The following WDR7 variants were observed in gnomAD, a reference collection of about 807,000 sequenced individuals.
WDR7 encodes the protein WD repeat domain 7.
WDR7 carries 46 observed loss-of-function variants against 169.4 expected under a neutral mutation model. The ratio of observed to expected loss-of-function variants is 0.27; its 90% CI spans 0.21 to 0.35. WDR7 has a LOEUF of 0.35. Ranked by LOEUF, WDR7 falls within the 10% of genes least tolerant of loss-of-function variation. The pLI, the probability that WDR7 is intolerant of heterozygous loss-of-function variation, is 1.00. For synonymous variants in WDR7, 612 were observed against 666.8 expected, an observed-to-expected ratio of 0.92 and a Z score of 1.27; for missense variants, 1,534 against 1,859.3, an observed-to-expected ratio of 0.83 and a Z score of 3.22.
intron 26 of WDR7, among the ~76,000 whole-genome samples, chr18:56,975,021 C>T (rs1229264672): frequency 6.6e-5 from 10 of 151,930 alleles, no homozygotes; most frequent in African/African-American, 1.9e-4. Flanking sequence ...GGGTGGATCA[C>T]GGGGTCAGGA....
chr18:56,995,741 G>A, intron 26 of WDR7, among the ~76,000 whole-genome samples: 1 of 152,158 alleles, frequency 6.6e-6, no homozygotes, highest in East Asian at 1.9e-4. Context: ...CCCTGTTTCT[G>A]ATGTTCCTCT....
At chr18:56,714,445 T>C (rs915441645) in intron 12 of WDR7, among the ~76,000 whole-genome samples, 2 of 126,588 alleles carry the variant, frequency 1.6e-5, no homozygotes, top group African/African-American at 6.6e-5. Flanking sequence ...TGGACGAAAC[T>C]TTTTTTTTTT....
At chr18:56,988,702 T>C (rs531001419) in intron 26 of WDR7, among the ~76,000 whole-genome samples, 1 of 151,796 alleles carries the variant, frequency 6.6e-6, no homozygotes. Flanking sequence ...TGGGCATTCT[T>C]ATAAATTCAG....
intron 2 of WDR7, 136 bp downstream of exon 2, chr18:56,672,810 T>C: frequency 1.2e-6 from 1 of 822,470 alleles, no homozygotes; most frequent in Non-Finnish European, 1.7e-6. Flanking sequence ...ACTAGTAGTA[T>C]ACAGATTCAT....
At chr18:56,984,227 T>A (rs1054321286) in intron 26 of WDR7, among the ~76,000 whole-genome samples, 2 of 152,204 alleles carry the variant, frequency 1.3e-5, no homozygotes, top group African/African-American at 4.8e-5. Flanking sequence ...ATGGATGTGA[T>A]GAATCACCTT....
chr18:56,743,684 G>A (rs561105468), intron 14 of WDR7, among the ~76,000 whole-genome samples: 2 of 152,298 alleles, frequency 1.3e-5, no homozygotes, highest in African/African-American at 4.8e-5. Flanking sequence ...AGTAACAAAT[G>A]TATAATACTT....
intron 20 of WDR7, among the ~76,000 whole-genome samples, chr18:56,841,677 A>G (rs2145328392): frequency 6.6e-6 from 1 of 152,266 alleles, no homozygotes; most frequent in East Asian, 1.9e-4. Flanking sequence ...TTGAATTACT[A>G]TTACCACACT....
At chr18:56,793,234 A>G (rs1444555039) in intron 19 of WDR7, among the ~76,000 whole-genome samples, 1 of 152,254 alleles carries the variant, frequency 6.6e-6, no homozygotes, top group South Asian at 2.1e-4. Flanking sequence ...AACCTATCAG[A>G]CATGGATTGG....
intron 20 of WDR7, among the ~76,000 whole-genome samples, chr18:56,866,343 GT>G (rs200075690): frequency 9.4e-5 from 14 of 148,304 alleles, no homozygotes; most frequent in East Asian, 2.0e-4. Flanking sequence ...TAGTTTTTCT[GT>G]TTTTTTTTAA....
At chr18:56,927,052 G>A (rs2046818279) in intron 22 of WDR7, among the ~76,000 whole-genome samples, 1 of 152,052 alleles carries the variant, frequency 6.6e-6, no homozygotes, top group Non-Finnish European at 1.5e-5. Flanking sequence ...TTTATGTTAG[G>A]CCTGTGCTTT....
intron 26 of WDR7, chr18:57,009,857 A>G: frequency 1.0e-6 from 1 of 985,436 alleles, no homozygotes. Context: ...CAGGCAAAGG[A>G]GAGGTGACAA....
At position 56,756,785 on chromosome 18, in the gene WDR7, G is replaced by T. The variant is rs772780977; in HGVS notation, c.2192G>T (p.Gly731Val). Residue 731 changes from glycine to valine, a missense_variant, in exon 15 of 28, where the codon GGC (glycine) becomes GTC (valine). Coordinates refer to ENST00000254442, the MANE Select transcript of WDR7 (RefSeq NM_015285.3). ...GCATCTGGCAGTTCAGACAAAGGGG[G>T]CTCTTTTTTAACTGGAAAACGAGCA... ...QKASGSSDKGGSFLTGKRAAV... is the reference protein window; with the variant it reads ...QKASGSSDKGVSFLTGKRAAV... The T allele has an allele frequency of 6.2e-6, 10 of 1,613,958 alleles. No homozygotes were observed. The highest frequency in any genetic ancestry group is 8.5e-6 in the Non-Finnish European group (10 of 1,180,024).
chr18:56,794,304 A>ATTTATTTTTTTTTT (rs2044543681), intron 19 of WDR7, among the ~76,000 whole-genome samples: 1 of 49,466 alleles, frequency 2.0e-5, no homozygotes, highest in Non-Finnish European at 3.8e-5. Flanking sequence ...GGTAAAGTCT[A>ATTTATTTTTTTTTT]TTTTTTTTTT....
At position 56,754,797 on chromosome 18, in the gene WDR7, CTG is replaced by C. The variant is rs575638629; in HGVS notation, c.1990-1784_1990-1783del. 2.7e-4 allele frequency among the ~76,000 whole-genome samples: 41 copies of C among 152,258 alleles called. No individual in the cohort carries two copies. In the South Asian group the frequency reaches 8.3e-3, roughly 31 times the overall value. ...CATAAATCCTTGTCTGTATTTCTGA[CTG>C]TTTAAGATAGGATCCTGGAAATAAA... On this transcript the variant is annotated intron_variant, in intron 14 of 27. Transcript: ENST00000254442.
chr18:56,653,426 C>T (rs367864701), intron 1 of WDR7, among the ~76,000 whole-genome samples: 21 of 152,188 alleles, frequency 1.4e-4, no homozygotes, highest in East Asian at 1.2e-3. Flanking sequence ...AGGCTGGTCT[C>T]GAACTCCTGA....
At chr18:56,911,542 C>G (rs1189821776) in intron 21 of WDR7, among the ~76,000 whole-genome samples, 1 of 152,190 alleles carries the variant, frequency 6.6e-6, no homozygotes, top group African/African-American at 2.4e-5. Flanking sequence ...TTCTCCTACA[C>G]TTACTCTAGT....
At chr18:56,654,470 T>C (rs1262002883) in intron 1 of WDR7, among the ~76,000 whole-genome samples, 1 of 152,232 alleles carries the variant, frequency 6.6e-6, no homozygotes, top group Non-Finnish European at 1.5e-5. Context: ...TCTTTTTTAA[T>C]TTTTTGTTTG....
intron 21 of WDR7, among the ~76,000 whole-genome samples, chr18:56,915,087 C>T (rs4801061): frequency 0.84 from 127,195 of 152,148 alleles, 53,335 homozygotes; most frequent in East Asian, 0.98. Context: ...GTATGCTTTC[C>T]ATTAAAAGAA....
intron 21 of WDR7, among the ~76,000 whole-genome samples, chr18:56,906,544 CTTTT>C (rs71171005): frequency 2.4e-3 from 283 of 119,440 alleles, no homozygotes; most frequent in African/African-American, 8.0e-3. Flanking sequence ...TTCTTTCCTT[CTTTT>C]TTTTTTTTTT....
Sources: allele counts gnomAD v4.1 joint callset (sites outside exome capture counted in the v4.1 genomes callset), GRCh38; gene constraint gnomAD v4.1.1; transcripts MANE v1.5; gene names NCBI Gene and HGNC (gene_info 2026-07-23, HGNC 2026-07-21).